ELOVL6: variants seen among roughly 807,000 people sequenced by gnomAD.
ELOVL6 encodes very long chain fatty acid elongase 6.
Under a neutral mutation model 31.7 loss-of-function variants are expected in ELOVL6, and 8 were observed. The ratio of observed to expected loss-of-function variants is 0.25; its 90% CI spans 0.15 to 0.45. The LOEUF (loss-of-function observed/expected upper bound fraction) is 0.45. Among genes scored for constraint, ELOVL6 ranks in the 20% least tolerant of loss-of-function variants. The pLI is 1.00. For synonymous variants in ELOVL6, 101 were observed against 117.7 expected (o/e 0.86, Z 0.92); for missense variants, 126 against 326.4 (o/e 0.39, Z 4.73).
At chr4:110,120,436 A>G (rs1221497291) in intron 1 of ELOVL6, among the ~76,000 whole-genome samples, 3 of 151,994 alleles carry the variant, frequency 2.0e-5, no homozygotes, top group Admixed American at 6.6e-5. Context: ...GAGGAATTCT[A>G]GATGTCTGAG....
rs563986847 is a variant in ELOVL6 at position 110,062,730 on chromosome 4, T to C, written c.222-2976A>G. Among the ~76,000 whole-genome samples, 288 of 152,350 alleles carry C rather than the reference T, an allele frequency of 1.9e-3. 2 individuals are homozygous for C. The highest frequency in any genetic ancestry group is 6.6e-3 in the African/African-American group (274 of 41,584). On this transcript the variant is annotated intron_variant, in intron 2 of 3. Transcript: ENST00000302274. Reference sequence around the variant, plus strand: ...TCTCAGCAGTCTTTCTGGCCATCCCTGGACCACACATTTAAGTTCTCGGCC... The same window carrying C: ...TCTCAGCAGTCTTTCTGGCCATCCCCGGACCACACATTTAAGTTCTCGGCC...
At chr4:110,118,205 G>C (rs573303567) in intron 1 of ELOVL6, 1 of 151,234 alleles carries the variant, frequency 6.6e-6, no homozygotes, top group African/African-American at 2.4e-5. Context: ...TGATCCACCC[G>C]CCTCGGCCTC....
At chr4:110,142,308 G>A (rs1276809856) in intron 1 of ELOVL6, among the ~76,000 whole-genome samples, 2 of 151,706 alleles carry the variant, frequency 1.3e-5, no homozygotes, top group East Asian at 3.9e-4. Context: ...GCCTCCTAAA[G>A]TGCTGGGATT....
In ELOVL6 at chr4:110,138,994, T is replaced by C. The variant is rs541324903; in HGVS notation, c.90-33366A>G. Among the ~76,000 whole-genome samples the C allele has an allele frequency of 1.7e-3, 253 of 152,256 alleles. 2 individuals carry two copies. Among genetic ancestry groups the C allele is most frequent in the African/African-American group, 6.0e-3 (248 of 41,558 alleles). On this transcript the variant is annotated intron_variant, in intron 1 of 3. Coordinates refer to ENST00000302274, the MANE Select transcript of ELOVL6 (RefSeq NM_024090.3). ...AGATACATCAGTGGATAGATATAGA[T>C]ATGTGTCTCTGGTATAGAAAAAAGT...
At chr4:110,107,516 C>T (rs1487652590) in intron 1 of ELOVL6, among the ~76,000 whole-genome samples, 1 of 152,154 alleles carries the variant, frequency 6.6e-6, no homozygotes, top group Non-Finnish European at 1.5e-5. Context: ...TTTCTTCCCC[C>T]AGAAAGACAT....
At chr4:110,053,819 G>A (rs1028135136) in intron 3 of ELOVL6, among the ~76,000 whole-genome samples, 1 of 152,124 alleles carries the variant, frequency 6.6e-6, no homozygotes, top group Admixed American at 6.5e-5. Context: ...GGTGCCTGTG[G>A]TCCCAGCTAC....
Position 110,198,243 on chromosome 4 carries a change from G to T in ELOVL6, c.89+4C>A. 6.4e-7 allele frequency: 1 copy of T among 1,565,358 alleles called. No homozygotes were observed. Among genetic ancestry groups the T allele is most frequent in the Non-Finnish European group, 8.8e-7 (1 of 1,135,632 alleles). On this transcript the variant is annotated splice_donor_region_variant and intron_variant, in intron 1 of 3. Coordinates refer to ENST00000302274, the MANE Select transcript of ELOVL6 (RefSeq NM_024090.3). The stretch of plus-strand genomic sequence containing the variant: ...GAACAGTATCAGGCGAAAGCATCAC[G>T]TACCAGTTTTCCTGCATCCATTGGA...
intron 1 of ELOVL6, among the ~76,000 whole-genome samples, chr4:110,182,485 T>C (rs1413735737): frequency 1.3e-5 from 2 of 152,212 alleles, no homozygotes; most frequent in Admixed American, 6.5e-5. Flanking sequence ...ACATACATCT[T>C]TGTAGAATGA....
intron 1 of ELOVL6, among the ~76,000 whole-genome samples, chr4:110,133,413 T>A (rs943407387): frequency 6.6e-6 from 1 of 152,180 alleles, no homozygotes; most frequent in Non-Finnish European, 1.5e-5. Flanking sequence ...CGAAAGCATG[T>A]TGCATTTCCT....
chr4:110,159,652 A>G (rs1434279528), intron 1 of ELOVL6, among the ~76,000 whole-genome samples: 7 of 152,196 alleles, frequency 4.6e-5, no homozygotes, highest in Non-Finnish European at 8.8e-5. Context: ...TCACTTTACA[A>G]TGATGTATCT....
chr4:110,047,289 T>A lies in ELOVL6; in HGVS notation c.*4049A>T, dbSNP rs1434703173. 6.7e-6 allele frequency: 1 copy of A among 149,940 alleles called. No homozygotes were observed. The highest frequency in any genetic ancestry group is 1.5e-5 in the Non-Finnish European group (1 of 67,794). The allele number at this position is 149,940 out of a possible 1,614,324, so 9.3% of individuals were successfully genotyped here. On this transcript the variant is annotated 3_prime_UTR_variant, in exon 4 of 4. Coordinates refer to ENST00000302274, the MANE Select transcript of ELOVL6 (RefSeq NM_024090.3). ...TCTACTCTCCTCACAGCCTCTTGAA[T>A]CAGACCTTGGCCAATCCAGTTACTC... is the stretch of plus-strand genomic sequence containing the variant.
intron 2 of ELOVL6, among the ~76,000 whole-genome samples, chr4:110,094,442 T>TAA (rs1553957098): frequency 7.8e-5 from 3 of 38,682 alleles, no homozygotes; most frequent in Non-Finnish European, 1.4e-4. Flanking sequence ...TATATATATA[T>TAA]AATATATATA....
chr4:110,080,774 T>C (rs1433803574), intron 2 of ELOVL6, among the ~76,000 whole-genome samples: 1 of 152,078 alleles, frequency 6.6e-6, no homozygotes, highest in African/African-American at 2.4e-5. Flanking sequence ...ATAAAGGGTA[T>C]TCAATTAGGA....
intron 1 of ELOVL6, among the ~76,000 whole-genome samples, chr4:110,128,688 T>C (rs1578502165): frequency 6.6e-6 from 1 of 152,232 alleles, no homozygotes; most frequent in East Asian, 1.9e-4. Context: ...CAGACACTTA[T>C]CTGTGAGCGT....
At chr4:110,077,106 T>C (rs1417377184) in intron 2 of ELOVL6, among the ~76,000 whole-genome samples, 1 of 152,148 alleles carries the variant, frequency 6.6e-6, no homozygotes, top group African/African-American at 2.4e-5. Context: ...TCGAACTGGG[T>C]GGAGCCAACC....
chr4:110,085,170 C>T lies in ELOVL6; in HGVS notation c.221+20327G>A, dbSNP rs560362507. 3.3e-5 allele frequency among the ~76,000 whole-genome samples: 5 copies of T among 152,032 alleles called. 1 individual carries two copies. The South Asian group carries it at 6.2e-4, about 19-fold the overall frequency. On this transcript the variant is annotated intron_variant, in intron 2 of 3. Coordinates refer to ENST00000302274, the MANE Select transcript of ELOVL6 (RefSeq NM_024090.3). Reference sequence around the variant, plus strand: ...AGAGGTTAGGCAATGTATGTGCATGCGTTGGAGGGATGTGGGGAGGGGAAA... The same window carrying T: ...AGAGGTTAGGCAATGTATGTGCATGTGTTGGAGGGATGTGGGGAGGGGAAA...
intron 1 of ELOVL6, among the ~76,000 whole-genome samples, chr4:110,181,068 T>C (rs1256990679): frequency 6.6e-6 from 1 of 151,798 alleles, no homozygotes; most frequent in East Asian, 1.9e-4. Flanking sequence ...AGCTTAGGCA[T>C]TCGAGGTTAC....
intron 1 of ELOVL6, among the ~76,000 whole-genome samples, chr4:110,145,681 T>G (rs1758084083): frequency 7.5e-6 from 1 of 133,196 alleles, no homozygotes; most frequent in Non-Finnish European, 1.6e-5. Flanking sequence ...CACTCCTTCC[T>G]TAGTCAGAGA....
At chr4:110,070,727 G>A (rs1016564006) in intron 2 of ELOVL6, among the ~76,000 whole-genome samples, 1 of 152,142 alleles carries the variant, frequency 6.6e-6, no homozygotes, top group South Asian at 2.1e-4. Context: ...TTTAAAGTGT[G>A]TAGCACCTCA....
Sources: allele counts gnomAD v4.1 joint callset (sites outside exome capture counted in the v4.1 genomes callset), GRCh38; gene constraint gnomAD v4.1.1; transcripts MANE v1.5; gene names NCBI Gene and HGNC (gene_info 2026-07-23, HGNC 2026-07-21).